NPHS1: variants seen among roughly 807,000 people sequenced by gnomAD.
The protein encoded by NPHS1 is nephrin.
Under a neutral mutation model 139.7 loss-of-function variants are expected in NPHS1, and 107 were observed. The ratio of observed to expected loss-of-function variants is 0.77; its 90% CI spans 0.66 to 0.90. The LOEUF (loss-of-function observed/expected upper bound fraction) is 0.90. NPHS1 is among the 40% of genes least tolerant of loss of function. NPHS1 has a pLI of 0.00. For synonymous variants in NPHS1, 707 were observed against 706.6 expected (o/e 1.00, Z -0.01); for missense variants, 1,580 against 1,654.2 (o/e 0.96, Z 0.78).
chr19:35,845,399 G>C lies in NPHS1; in HGVS notation c.1899C>G (p.Thr633=), dbSNP rs748680209. Residue 633 remains threonine, a synonymous_variant, in exon 14 of 29, where the codon ACC becomes ACG. Transcript: ENST00000378910. The surrounding 1 kb of genome is among the most constrained non-coding windows in gnomAD (Gnocchi z 5.5). ...CGTTGAGGCGATAGAAGGAGCTCAC[G>C]GTTTCGCGGAGCTCGGCGCTGTGGG... The part of the protein sequence containing the change: ...CRAHSAELRE[T]VSSFYRLNVL... 1 of 1,614,136 alleles carries C rather than the reference G, an allele frequency of 6.2e-7. No individual in the cohort carries two copies. Among genetic ancestry groups the C allele is most frequent in the Non-Finnish European group, 8.5e-7 (1 of 1,180,050 alleles).
At chr19:35,828,513 C>G (rs539854874) in intron 28 of NPHS1, among the ~76,000 whole-genome samples, 1 of 152,188 alleles carries the variant, frequency 6.6e-6, no homozygotes, top group Non-Finnish European at 1.5e-5. Flanking sequence ...ATCCGCCCGC[C>G]TTGGCCTCCC....
chr19:35,832,388 A>AT (rs1044855119), intron 23 of NPHS1, among the ~76,000 whole-genome samples: 2 of 151,834 alleles, frequency 1.3e-5, no homozygotes, highest in Admixed American at 6.6e-5. Flanking sequence ...TACAAAAAAA[A>AT]TTAAAAATTT....
At position 35,843,557 on chromosome 19, in the gene NPHS1, T is replaced by C. The variant is rs777418609; in HGVS notation, c.2249A>G (p.Glu750Gly). Residue 750 changes from glutamate (E) to glycine (G), a missense_variant, in exon 17 of 29, where the codon GAG (glutamate) becomes GGG (glycine). Glu to Gly is a moderately conservative substitution (Grantham distance 98, BLOSUM62 -2). Transcript: ENST00000378910. ...PTIRALQDPT[E>G]VNVGGSVDIV... ...GTCCACAGAACCCCCGACGTTCACCTCAGTGGGGTCCTGGAGGGCACGGAT... is the reference window on the plus strand; with the variant it reads ...GTCCACAGAACCCCCGACGTTCACCCCAGTGGGGTCCTGGAGGGCACGGAT... 2.5e-6 allele frequency: 4 copies of C among 1,613,990 alleles called. No individual in the cohort carries two copies. In the East Asian group the frequency reaches 8.9e-5, roughly 36 times the overall value.
rs1972890819 is a variant in NPHS1 at position 35,831,861 on chromosome 19, C to A, written c.3167-99G>T. On this transcript the variant is annotated intron_variant, in intron 23 of 28. Transcript: ENST00000378910. ...GTGTAGCCCTGACCAAGTCCCTCCC[C>A]CAGGGTCAGAGAAACAGATGGGCAG... is the stretch of plus-strand genomic sequence containing the variant. The A allele has an allele frequency of 3.0e-6, 4 of 1,312,148 alleles. No individual in the cohort carries two copies. The African/African-American group carries it at 4.4e-5, about 14-fold the overall frequency. The allele number at this position is 1,312,148 out of a possible 1,614,324, so 81.3% of individuals were successfully genotyped here. A position where few individuals can be genotyped will look rare whatever the true frequency, so the allele number is the denominator to read the frequency against.
chr19:35,827,159 T>C (rs570581669), intron 28 of NPHS1, among the ~76,000 whole-genome samples: 351 of 152,056 alleles, frequency 2.3e-3, no homozygotes, highest in South Asian at 4.0e-3. Context: ...AATTTTTTTT[T>C]TTTTTAAAGA....
chr19:35,851,234 A>AT lies in NPHS1; in HGVS notation c.397+27dup, dbSNP rs372443423. On this transcript the variant is annotated intron_variant, in intron 3 of 28. Coordinates refer to ENST00000378910, the MANE Select transcript of NPHS1 (RefSeq NM_004646.4). ...AGGGGAGGGCTTGAAGCCCAGACTC[A>AT]TGGGTCCTGGGCGTCTCTCACCCAT... is the stretch of plus-strand genomic sequence containing the variant. The AT allele has an allele frequency of 7.6e-5, 123 of 1,613,562 alleles. No individual in the cohort carries two copies. In the African/African-American group the frequency reaches 1.4e-3, roughly 18 times the overall value.
At position 35,843,609 on chromosome 19, in the gene NPHS1, G is replaced by A. The variant is rs1568453712; in HGVS notation, c.2213-16C>T. The stretch of plus-strand genomic sequence containing the variant: ...GTGGGAGCATCTGGTGGAAGGCAGA[G>A]GCTTGGGGAAGACACTTGGGCCCAG... On this transcript the variant is annotated splice_polypyrimidine_tract_variant and intron_variant, in intron 16 of 28. Coordinates refer to ENST00000378910, the MANE Select transcript of NPHS1 (RefSeq NM_004646.4). 2 of 1,613,654 alleles carry A rather than the reference G, an allele frequency of 1.2e-6. No homozygotes were observed. The highest frequency in any genetic ancestry group is 1.1e-5 in the South Asian group (1 of 91,080).
chr19:35,845,705 G>T lies in NPHS1; in HGVS notation c.1721C>A (p.Pro574Gln), dbSNP rs966885472. The T allele has an allele frequency of 3.1e-6, 5 of 1,614,038 alleles. No homozygotes were observed. Among genetic ancestry groups the T allele is most frequent in the Non-Finnish European group, 3.4e-6 (4 of 1,179,946 alleles). ...NLTCVSVSSN[P>Q]PVNLSWDKEG... The stretch of plus-strand genomic sequence containing the variant: ...CTTGTCCCAGGACAAGTTGACCGGC[G>T]GATTGCTGCTGACGCTGACGCATGT... The change falls in exon 13 of 29, where the codon CCG (proline) becomes CAG (glutamine). Residue 574 changes from proline (P) to glutamine (Q), a missense_variant. Transcript: ENST00000378910. The surrounding 1 kb of genome is among the most constrained non-coding windows in gnomAD (Gnocchi z 5.5).
chr19:35,827,322 G>A (rs1972812184), intron 28 of NPHS1, among the ~76,000 whole-genome samples: 1 of 152,108 alleles, frequency 6.6e-6, no homozygotes, highest in East Asian at 1.9e-4. Context: ...AATTAGCTAG[G>A]TGTGGTGGTG....
In NPHS1 at chr19:35,842,390, A is replaced by G. The variant is rs386833916; in HGVS notation, c.2495T>C (p.Leu832Pro). The G allele has an allele frequency of 6.2e-7, 1 of 1,614,054 alleles. No homozygotes were observed. Among genetic ancestry groups the G allele is most frequent in the South Asian group, 1.1e-5 (1 of 91,076 alleles). ...TGGGTAATACCCACATCTGACAACA[A>G]GACGGAGCAGCCGTCGTGCTGGAGG... ...VAPPARRLLR[L>P]VVRFAPQVEH... Residue 832 changes from leucine to proline, a missense_variant, in exon 18 of 29, where the codon CTT (leucine) becomes CCT (proline). Physicochemically the swap from Leu to Pro is moderately conservative, Grantham distance 98 (BLOSUM62 -3). Coordinates refer to ENST00000378910, the MANE Select transcript of NPHS1 (RefSeq NM_004646.4).
At chr19:35,835,425 G>A (rs1044563894) in intron 23 of NPHS1, among the ~76,000 whole-genome samples, 2 of 148,728 alleles carry the variant, frequency 1.3e-5, no homozygotes, top group African/African-American at 5.0e-5. Context: ...TCAGCCTTCT[G>A]AGTAGTTGGG....
Position 35,845,656 on chromosome 19 carries a change from C to T in NPHS1, c.1757+13G>A. Reference sequence around the variant, plus strand: ...GCCAGACCAGAGAGGGGAGGGATCCCTCGCACTCCCACCTCTCCCCTTCCT... The same window carrying T: ...GCCAGACCAGAGAGGGGAGGGATCCTTCGCACTCCCACCTCTCCCCTTCCT... On this transcript the variant is annotated intron_variant, in intron 13 of 28. Coordinates refer to ENST00000378910, the MANE Select transcript of NPHS1 (RefSeq NM_004646.4). The surrounding 1 kb of genome is among the most constrained non-coding windows in gnomAD (Gnocchi z 5.5). 2 of 1,612,714 alleles carry T rather than the reference C, an allele frequency of 1.2e-6. No individual in the cohort carries two copies. Among genetic ancestry groups the T allele is most frequent in the African/African-American group, 1.3e-5 (1 of 75,040 alleles).
chr19:35,835,768 G>C lies in NPHS1; in HGVS notation c.3110-7C>G. 6.2e-7 allele frequency: 1 copy of C among 1,612,928 alleles called. No individual in the cohort carries two copies. The highest frequency in any genetic ancestry group is 1.1e-5 in the South Asian group (1 of 91,058). On this transcript the variant is annotated splice_polypyrimidine_tract_variant and splice_region_variant and intron_variant, in intron 22 of 28. Transcript: ENST00000378910. The stretch of plus-strand genomic sequence containing the variant: ...CCAGAAGGCTGGTGGAGACCTGGGG[G>C]GTGGATATACAGATTGTGACTTAAC...
intron 22 of NPHS1, among the ~76,000 whole-genome samples, chr19:35,837,563 T>A (rs546984589): frequency 3.0e-4 from 46 of 152,088 alleles, no homozygotes; most frequent in Middle Eastern, 3.4e-3. Flanking sequence ...GTTTAATTTG[T>A]TCGTCTTTTA....
At chr19:35,850,058 G>A (rs926173450) in intron 5 of NPHS1, among the ~76,000 whole-genome samples, 1 of 152,200 alleles carries the variant, frequency 6.6e-6, no homozygotes, top group Non-Finnish European at 1.5e-5. Context: ...TGGGAGTACA[G>A]GCATGCGCCA....
Position 35,849,642 on chromosome 19 carries a change from CG to C in NPHS1, c.619del (p.Arg207GlyfsTer28), listed in dbSNP as rs778217926. On this transcript the variant is annotated frameshift_variant, in exon 6 of 29. Transcript: ENST00000378910. LOFTEE classifies it high-confidence loss of function. Reference sequence around the variant, plus strand: ...CAGCAACTGCCTATTATCTGAGCTCCGGGGTGTCACCCTGGGATGAGAAGTC... The same window carrying C: ...CAGCAACTGCCTATTATCTGAGCTCCGGGTGTCACCCTGGGATGAGAAGTC... Reference protein sequence around the residue: ...TVEATARVTPRSSDNRQLLVC... With the variant: ...TVEATARVTPXSSDNRQLLVC... 4.7e-5 allele frequency: 76 copies of C among 1,613,362 alleles called. No individual in the cohort carries two copies. Among genetic ancestry groups the C allele is most frequent in the Non-Finnish European group, 6.1e-5 (72 of 1,179,568 alleles).
At position 35,831,161 on chromosome 19, in the gene NPHS1, C is replaced by G; in HGVS notation, c.3388-15G>C. On this transcript the variant is annotated splice_polypyrimidine_tract_variant and intron_variant, in intron 26 of 28. Coordinates refer to ENST00000378910, the MANE Select transcript of NPHS1 (RefSeq NM_004646.4). ...GTTGTGCTGACCTGTTCCCCACACG[C>G]AAAACAAACAAAGCCCTTTCCATCC... is the stretch of plus-strand genomic sequence containing the variant. The G allele has an allele frequency of 6.2e-7, 1 of 1,613,538 alleles. No individual in the cohort carries two copies. The highest frequency in any genetic ancestry group is 8.5e-7 in the Non-Finnish European group (1 of 1,179,726).
chr19:35,851,274 G>A lies in NPHS1; in HGVS notation c.385C>T (p.Leu129Phe). The A allele has an allele frequency of 6.2e-7, 1 of 1,614,032 alleles. No homozygotes were observed. The highest frequency in any genetic ancestry group is 8.5e-7 in the Non-Finnish European group (1 of 1,179,956). The change falls in exon 3 of 29, where the codon CTC becomes TTC. Residue 129 changes from leucine to phenylalanine, a missense_variant. Transcript: ENST00000378910. ...GPELVSPRVI[L>F]SILVPPKLLL... is the part of the protein sequence containing the mutation. ...CTCTCACCCATACCCAGGATGGAGA[G>A]GATCACTCTGGGAGACACGAGCTCG...
At position 35,830,819 on chromosome 19, in the gene NPHS1, T is replaced by C. The variant is rs767977497; in HGVS notation, c.3594+25A>G. 5 of 1,388,936 alleles carry C rather than the reference T, an allele frequency of 3.6e-6. No individual in the cohort carries two copies. The East Asian group carries it at 1.1e-4, about 32-fold the overall frequency. 86.0% of individuals were successfully genotyped at this position (1,388,936 alleles called of 1,614,324 possible). A position where few individuals can be genotyped will look rare whatever the true frequency, so the allele number is the denominator to read the frequency against. On this transcript the variant is annotated intron_variant, in intron 28 of 28. Coordinates refer to ENST00000378910, the MANE Select transcript of NPHS1 (RefSeq NM_004646.4). Reference sequence around the variant, plus strand: ...GGCTCCCAGCACTAGCCAGGAAGGATGGTTGCTGATGCAAAGCTTCTCACC... The same window carrying C: ...GGCTCCCAGCACTAGCCAGGAAGGACGGTTGCTGATGCAAAGCTTCTCACC...
Sources: gnomAD v4.1 joint callset for allele counts (sites outside exome capture counted in the v4.1 genomes callset) on GRCh38, gnomAD v4.1.1 for gene constraint, Gnocchi (gnomAD v3.1) non-coding constraint, MANE v1.5 for transcripts, NCBI Gene and HGNC (gene_info 2026-07-23, HGNC 2026-07-21) for gene names.